The following GLIS3 variants were observed in gnomAD, a reference collection of about 807,000 sequenced individuals.
The protein encoded by GLIS3 is zinc finger protein GLIS3.
A neutral mutation model predicts 78.6 loss-of-function variants in GLIS3; 53 were observed. The observed-to-expected ratio is 0.67, with a 90% confidence interval of 0.54 to 0.85. The LOEUF (loss-of-function observed/expected upper bound fraction) is 0.85. Ranked by LOEUF, GLIS3 falls within the 40% of genes least tolerant of loss-of-function variation. The pLI is 0.00. For synonymous variants in GLIS3, 684 were observed against 509.9 expected, an observed-to-expected ratio of 1.34 and a Z score of -4.60; for missense variants, 1,703 against 1,231.1, an observed-to-expected ratio of 1.38 and a Z score of -5.74.
chr9:4,264,805 A>G (rs779704309), intron 2 of GLIS3, among the ~76,000 whole-genome samples: 3 of 152,188 alleles, frequency 2.0e-5, no homozygotes, highest in Non-Finnish European at 2.9e-5. Context: ...ATTAGAACAT[A>G]AGGTGAGTGC....
chr9:4,293,119 T>C (rs1816170129), intron 1 of GLIS3, among the ~76,000 whole-genome samples: 1 of 152,186 alleles, frequency 6.6e-6, no homozygotes, highest in South Asian at 2.1e-4. Flanking sequence ...GAATAAAATG[T>C]GGCAAATGAA....
At chr9:4,306,323 C>G (rs971166611) in intron 4 of GLIS3, among the ~76,000 whole-genome samples, 2 of 152,114 alleles carry the variant, frequency 1.3e-5, no homozygotes, top group East Asian at 1.9e-4. Context: ...GGCTCATTCT[C>G]TCTTCAGGAC....
At chr9:4,060,090 G>C (rs1397624946) in intron 4 of GLIS3, among the ~76,000 whole-genome samples, 1 of 151,930 alleles carries the variant, frequency 6.6e-6, no homozygotes, top group Non-Finnish European at 1.5e-5. Flanking sequence ...GAGCCCATTT[G>C]GTAGCCCTGG....
intron 6 of GLIS3, among the ~76,000 whole-genome samples, chr9:3,908,193 G>A (rs1823852250): frequency 1.3e-5 from 2 of 152,166 alleles, no homozygotes; most frequent in African/African-American, 4.8e-5. Context: ...ACCTGTAAGT[G>A]GCTTGTCAGT....
the GLIS3 span, among the ~76,000 whole-genome samples, chr9:4,375,476 C>A: frequency 6.6e-6 from 1 of 152,208 alleles, no homozygotes; most frequent in South Asian, 2.1e-4. Context: ...GTTTGTGCTA[C>A]ATTGAAGATT....
Position 3,922,436 on chromosome 9 carries a change from G to GA in GLIS3, c.1983+9923dup, listed in dbSNP as rs1407421682. 7.2e-5 allele frequency among the ~76,000 whole-genome samples: 11 copies of GA among 152,280 alleles called. No individual in the cohort carries two copies. In the East Asian group the frequency reaches 2.1e-3, roughly 29 times the overall value. ...CAATCAATGGTGTCTTGGTTTCAAT[G>GA]AAAGTTTGCATATGTCCTCATTTTC... is the stretch of plus-strand genomic sequence containing the variant. On this transcript the variant is annotated intron_variant, in intron 6 of 10. Transcript: ENST00000381971.
chr9:3,859,203 A>G (rs1403815822), intron 8 of GLIS3, among the ~76,000 whole-genome samples: 1 of 152,168 alleles, frequency 6.6e-6, no homozygotes, highest in East Asian at 1.9e-4. Flanking sequence ...ATTTGGTGCA[A>G]AAGCAAACAA....
intron 2 of GLIS3, among the ~76,000 whole-genome samples, chr9:4,136,924 A>C (rs542059642): frequency 1.3e-5 from 2 of 152,318 alleles, no homozygotes; most frequent in East Asian, 3.9e-4. Context: ...AAACCAACTA[A>C]ACCAAATGAT....
At chr9:4,372,355 A>T in the GLIS3 span, among the ~76,000 whole-genome samples, 2 of 152,128 alleles carry the variant, frequency 1.3e-5, no homozygotes, top group Non-Finnish European at 2.9e-5. Context: ...GTGCTTTGAC[A>T]TCTTGGGGCT....
intron 1 of GLIS3, among the ~76,000 whole-genome samples, chr9:4,298,656 G>C (rs1454523213): frequency 6.6e-6 from 1 of 152,196 alleles, no homozygotes; most frequent in African/African-American, 2.4e-5. Context: ...TTTCCAAACA[G>C]TGCTGACATT....
chr9:4,106,402 C>T (rs1050375173), intron 4 of GLIS3, among the ~76,000 whole-genome samples: 1 of 152,104 alleles, frequency 6.6e-6, no homozygotes, highest in Non-Finnish European at 1.5e-5. Context: ...GGGCGAATGC[C>T]GGTAGAACAC....
At chr9:3,967,097 T>G (rs943723326) in intron 4 of GLIS3, among the ~76,000 whole-genome samples, 3 of 151,904 alleles carry the variant, frequency 2.0e-5, no homozygotes, top group Non-Finnish European at 2.9e-5. Flanking sequence ...GCAATTCTTC[T>G]TGGACATTTA....
intron 2 of GLIS3, among the ~76,000 whole-genome samples, chr9:4,262,153 A>T (rs1825591229): frequency 6.6e-6 from 1 of 152,124 alleles, no homozygotes; most frequent in Non-Finnish European, 1.5e-5. Flanking sequence ...TGGGAGCCAT[A>T]GTGCAGTGCA....
At chr9:4,417,012 T>C in the GLIS3 span, among the ~76,000 whole-genome samples, 1 of 152,122 alleles carries the variant, frequency 6.6e-6, no homozygotes, top group East Asian at 1.9e-4. Flanking sequence ...GTTCCGTTCT[T>C]TGTTGGGCTT....
intron 4 of GLIS3, among the ~76,000 whole-genome samples, chr9:4,092,465 C>A (rs1829603519): frequency 6.6e-6 from 1 of 152,206 alleles, no homozygotes; most frequent in South Asian, 2.1e-4. Context: ...GTTTACAACA[C>A]AAACACACTG....
intron 8 of GLIS3, among the ~76,000 whole-genome samples, chr9:3,866,990 G>C (rs1465735677): frequency 1.3e-5 from 2 of 152,120 alleles, no homozygotes; most frequent in African/African-American, 4.8e-5. Context: ...AGTTGATTAG[G>C]CTTGAAATGT....
chr9:4,056,574 T>C (rs961012672), intron 4 of GLIS3, among the ~76,000 whole-genome samples: 4 of 151,738 alleles, frequency 2.6e-5, no homozygotes, highest in African/African-American at 7.3e-5. Context: ...GGGAAGAAAG[T>C]AAAGGTTGAA....
chr9:4,325,837 G>A (rs1335935447), intron 2 of GLIS3, among the ~76,000 whole-genome samples: 4 of 152,202 alleles, frequency 2.6e-5, no homozygotes, highest in African/African-American at 9.7e-5. Flanking sequence ...TAAAGAAAAT[G>A]TGGTACATAT....
intron 2 of GLIS3, among the ~76,000 whole-genome samples, chr9:4,219,258 G>A (rs1352076579): frequency 6.6e-6 from 1 of 152,158 alleles, no homozygotes; most frequent in East Asian, 1.9e-4. Flanking sequence ...CAAGTACATA[G>A]GCTAGAGACA....
Sources: allele counts gnomAD v4.1 joint callset (sites outside exome capture counted in the v4.1 genomes callset), GRCh38; gene constraint gnomAD v4.1.1; transcripts MANE v1.5; gene names NCBI Gene and HGNC (gene_info 2026-07-23, HGNC 2026-07-21).